WASF2: variants seen among roughly 807,000 people sequenced by gnomAD.
WASF2 encodes WASP family member 2.
A neutral mutation model predicts 45.0 loss-of-function variants in WASF2; 14 were observed. The observed-to-expected ratio is 0.31, with a 90% CI of 0.21 to 0.49. The LOEUF (loss-of-function observed/expected upper bound fraction) is 0.49. Among genes scored for constraint, WASF2 ranks in the 20% least tolerant of loss-of-function variants. The pLI is 0.99. For missense variants in WASF2, 439 were observed against 636.1 expected, an observed-to-expected ratio of 0.69 and a Z score of 3.33; for synonymous variants, 200 against 236.3, an observed-to-expected ratio of 0.85 and a Z score of 1.41.
At chr1:27,467,991 T>C (rs2017639109) in intron 1 of WASF2, among the ~76,000 whole-genome samples, 1 of 151,796 alleles carries the variant, frequency 6.6e-6, no homozygotes, top group Non-Finnish European at 1.5e-5. Context: ...TGGAGTGTAG[T>C]AGCACAATCT....
chr1:27,487,743 CATATTATATAATGTATATTAT>C (rs2017965407), intron 1 of WASF2, among the ~76,000 whole-genome samples: 1 of 117,116 alleles, frequency 8.5e-6, no homozygotes, highest in Admixed American at 1.1e-4. Flanking sequence ...TAATGTATAT[CATATTATATAATGTATATTAT>C]ATATTATATA....
chr1:27,449,573 T>C (rs2148124134), intron 1 of WASF2, among the ~76,000 whole-genome samples: 1 of 150,658 alleles, frequency 6.6e-6, no homozygotes, highest in East Asian at 2.0e-4. Flanking sequence ...CACTGCAGCC[T>C]GGGCAACAGA....
intron 1 of WASF2, among the ~76,000 whole-genome samples, chr1:27,487,637 A>T (rs1381901537): frequency 1.4e-4 from 11 of 80,866 alleles, no homozygotes; most frequent in Admixed American, 3.5e-4. Context: ...ACAATATATA[A>T]TATATATTAT....
chr1:27,454,153 G>GTGTA (rs2017427664), intron 1 of WASF2, among the ~76,000 whole-genome samples: 1 of 98,698 alleles, frequency 1.0e-5, no homozygotes, highest in South Asian at 3.8e-4. Flanking sequence ...GTGTGTGTGT[G>GTGTA]TATATATATA....
At chr1:27,454,176 TATATATATATA>T (rs1464633318) in intron 1 of WASF2, among the ~76,000 whole-genome samples, 68 of 11,634 alleles carry the variant, frequency 5.8e-3, no homozygotes, top group African/African-American at 0.013. Flanking sequence ...TATATATATA[TATATATATATA>T]TTTTTTTTTT....
chr1:27,473,406 C>T (rs2017719628), intron 1 of WASF2, among the ~76,000 whole-genome samples: 1 of 148,392 alleles, frequency 6.7e-6, no homozygotes, highest in South Asian at 2.1e-4. Context: ...CAAAACTGCA[C>T]CACTGCACTC....
rs1488103514 is a variant in WASF2, at chr1:27,414,094, A to G, written c.668+739T>C. Among the ~76,000 whole-genome samples, 1 of 152,218 alleles carries G rather than the reference A, an allele frequency of 6.6e-6. No individual in the cohort carries two copies. The highest frequency in any genetic ancestry group is 1.5e-5 in the Non-Finnish European group (1 of 68,036). On this transcript the variant is annotated intron_variant, in intron 6 of 8. Transcript: ENST00000618852. The surrounding 1 kb of genome is among the most constrained non-coding windows in gnomAD (Gnocchi z 4.1). ...CATGGTTCTCTGACAGCCATGATGC[A>G]GTGTATTTAGAGAAAAAACCAGGGC...
intron 1 of WASF2, among the ~76,000 whole-genome samples, chr1:27,436,394 C>G (rs1225110558): frequency 6.6e-6 from 1 of 152,084 alleles, no homozygotes; most frequent in African/African-American, 2.4e-5. Context: ...TTGCAGAGAG[C>G]TACGATCACA....
rs887232974 is a variant in WASF2 at position 27,404,857 on chromosome 1, C to T, written c.*3332G>A. On this transcript the variant is annotated 3_prime_UTR_variant, in exon 9 of 9. Transcript: ENST00000618852. Reference sequence around the variant, plus strand: ...GCACAGAATGAGGCACATCTCTGCGCGACACCTGGTCCCAGGTCAGTTGGA... The same window carrying T: ...GCACAGAATGAGGCACATCTCTGCGTGACACCTGGTCCCAGGTCAGTTGGA... 5 of 152,284 alleles carry T rather than the reference C, an allele frequency of 3.3e-5. No homozygotes were observed. Among genetic ancestry groups the T allele is most frequent in the African/African-American group, 9.6e-5 (4 of 41,452 alleles). 9.4% of individuals were successfully genotyped at this position (152,284 alleles called of 1,614,324 possible). A position where few individuals can be genotyped will look rare whatever the true frequency, so the allele number is the denominator to read the frequency against.
In WASF2 at chr1:27,416,587, G is replaced by C. The variant is rs371974077; in HGVS notation, c.420-485C>G. On this transcript the variant is annotated intron_variant, in intron 4 of 8. Transcript: ENST00000618852. ...TGTATGCATATGTACACATATATAC[G>C]TGAAAAGTGTGTGGTTTACAGCTGT... is the stretch of plus-strand genomic sequence containing the variant. 2.0e-5 allele frequency among the ~76,000 whole-genome samples: 3 copies of C among 152,322 alleles called. 1 individual carries two copies. The highest frequency in any genetic ancestry group is 4.1e-4 in the South Asian group (2 of 4,830).
In WASF2 at chr1:27,411,101, A is replaced by G. The variant is rs74061790; in HGVS notation, c.825-895T>C. On this transcript the variant is annotated intron_variant, in intron 7 of 8. Transcript: ENST00000618852. ...TTTGGGAAGCAGAAGGAGATTTGGG[A>G]TTAATGGTTTCTAGGGCCAAGAAGA... Among the ~76,000 whole-genome samples the G allele has an allele frequency of 6.1e-3, 926 of 152,278 alleles. 7 individuals carry two copies. The highest frequency in any genetic ancestry group is 0.022 in the African/African-American group (895 of 41,552).
At chr1:27,471,746 C>G (rs1324787645) in intron 1 of WASF2, among the ~76,000 whole-genome samples, 5 of 152,106 alleles carry the variant, frequency 3.3e-5, no homozygotes, top group Admixed American at 6.6e-5. Context: ...GAAAGAGAAC[C>G]AGAACAATGT....
intron 1 of WASF2, among the ~76,000 whole-genome samples, chr1:27,432,647 CAAAAAAAAAAAA>C (rs558826790): frequency 1.9e-5 from 1 of 51,390 alleles, no homozygotes; most frequent in Admixed American, 3.4e-4. Flanking sequence ...AACTCTGTCT[CAAAAAAAAAAAA>C]AAAAAAAAAA....
At chr1:27,482,927 G>C (rs2017872159) in intron 1 of WASF2, among the ~76,000 whole-genome samples, 1 of 152,168 alleles carries the variant, frequency 6.6e-6, no homozygotes, top group Non-Finnish European at 1.5e-5. Context: ...AGACATTTCT[G>C]GTTATCACAA....
intron 1 of WASF2, among the ~76,000 whole-genome samples, chr1:27,488,523 C>T (rs540532926): frequency 4.6e-5 from 7 of 152,268 alleles, no homozygotes; most frequent in African/African-American, 1.4e-4. Flanking sequence ...TCTATATACA[C>T]CAATAGCTGC....
intron 1 of WASF2, among the ~76,000 whole-genome samples, chr1:27,447,127 A>C (rs909896662): frequency 1.3e-5 from 2 of 152,204 alleles, no homozygotes; most frequent in Admixed American, 1.3e-4. Context: ...AAGAAGATGG[A>C]GTTTTCCTAC....
At chr1:27,475,215 G>A (rs1051953379) in intron 1 of WASF2, among the ~76,000 whole-genome samples, 1 of 152,078 alleles carries the variant, frequency 6.6e-6, no homozygotes, top group Non-Finnish European at 1.5e-5. Flanking sequence ...CCAAGACTGT[G>A]CCACTAGCCT....
Position 27,410,713 on chromosome 1 carries a change from A to C in WASF2, c.825-507T>G, listed in dbSNP as rs1232715697. Among the ~76,000 whole-genome samples, 2 of 152,222 alleles carry C rather than the reference A, an allele frequency of 1.3e-5. No individual in the cohort carries two copies. The highest frequency in any genetic ancestry group is 4.8e-5 in the African/African-American group (2 of 41,462). ...CAGCATTGGAGAGGGCAGGAAACCC[A>C]AGCCAGGCTGACCACACCTGAGTGG... On this transcript the variant is annotated intron_variant, in intron 7 of 8. Transcript: ENST00000618852. The surrounding 1 kb of genome is among the most constrained non-coding windows in gnomAD (Gnocchi z 4.2).
intron 1 of WASF2, among the ~76,000 whole-genome samples, chr1:27,473,697 T>C (rs1039616018): frequency 6.6e-6 from 1 of 152,086 alleles, no homozygotes; most frequent in African/African-American, 2.4e-5. Flanking sequence ...ACAAAAAACA[T>C]CACCAAACTT....
Sources: allele counts gnomAD v4.1 joint callset (sites outside exome capture counted in the v4.1 genomes callset), GRCh38; gene constraint gnomAD v4.1.1; non-coding constraint Gnocchi (gnomAD v3.1); transcripts MANE v1.5; gene names NCBI Gene and HGNC (gene_info 2026-07-23, HGNC 2026-07-21).